SLC35E4: variants seen among roughly 807,000 people sequenced by gnomAD.
SLC35E4 encodes solute carrier family 35 member E4.
Under a neutral mutation model 19.3 loss-of-function variants are expected in SLC35E4, and 15 were observed. That is an observed-to-expected ratio of 0.78 (90% CI 0.52 to 1.20). The LOEUF (loss-of-function observed/expected upper bound fraction) is 1.20, where lower values mean the gene tolerates loss of function less well. Ranked by LOEUF, SLC35E4 falls within the 50% of genes most tolerant of loss-of-function variation. SLC35E4 has a pLI of 0.00. For synonymous variants in SLC35E4, 219 were observed against 219.9 expected (o/e 1.00, Z 0.04); for missense variants, 406 against 472.3 (o/e 0.86, Z 1.30).
chr22:30,637,077 C>T lies in SLC35E4; in HGVS notation c.619+8C>T. On this transcript the variant is annotated splice_region_variant and intron_variant, in intron 1 of 1. Transcript: ENST00000343605. ...TCAAGTCGGTTCAGCAAAGTAAGTG[C>T]CTGGGTGGCCAATTGAGAAGGTGGG... is the stretch of plus-strand genomic sequence containing the variant. 6.5e-7 allele frequency: 1 copy of T among 1,549,202 alleles called. No individual in the cohort carries two copies. Among genetic ancestry groups the T allele is most frequent in the Non-Finnish European group, 8.7e-7 (1 of 1,143,736 alleles).
At chr22:30,656,705 C>A (rs774312859) in intron 2 of SLC35E4, among the ~76,000 whole-genome samples, 2 of 152,210 alleles carry the variant, frequency 1.3e-5, no homozygotes, top group Non-Finnish European at 2.9e-5. Flanking sequence ...ACAGTGTGAA[C>A]TGTTTGGGAA....
chr22:30,639,895 A>G (rs2145576770), intron 1 of SLC35E4, among the ~76,000 whole-genome samples: 1 of 152,328 alleles, frequency 6.6e-6, no homozygotes. Context: ...TCAGCTTACG[A>G]AGATGATGGG....
At chr22:30,667,460 A>G (rs1602116257), downstream of SLC35E4, 1 of 151,994 alleles carries the variant, frequency 6.6e-6, no homozygotes, top group Non-Finnish European at 1.5e-5. Context: ...CCAGGGTTTT[A>G]CCTCTCTCCT....
chr22:30,664,634 C>T (rs1034729494), downstream of SLC35E4, among the ~76,000 whole-genome samples: 9 of 152,246 alleles, frequency 5.9e-5, no homozygotes, highest in African/African-American at 1.7e-4. Flanking sequence ...ACTGAGGAGG[C>T]TGGTATAAGA....
chr22:30,644,476 C>T (rs1402535429), intron 1 of SLC35E4, among the ~76,000 whole-genome samples: 1 of 152,186 alleles, frequency 6.6e-6, no homozygotes, highest in Non-Finnish European at 1.5e-5. Flanking sequence ...CGCAATGGCT[C>T]ACACCTGTAA....
intron 1 of SLC35E4, among the ~76,000 whole-genome samples, chr22:30,637,765 C>T (rs1466282228): frequency 1.3e-5 from 2 of 152,178 alleles, no homozygotes; most frequent in Non-Finnish European, 2.9e-5. Context: ...CCCTGGGCCA[C>T]GTGGCCAGTG....
In SLC35E4 at chr22:30,636,790, A is replaced by G; in HGVS notation, c.340A>G (p.Ser114Gly). Residue 114 changes from serine to glycine, a missense_variant, in exon 1 of 2, where the codon AGT becomes GGT. Coordinates refer to ENST00000343605, the MANE Select transcript of SLC35E4 (RefSeq NM_001001479.4). The part of the protein sequence containing the change: ...GGTRCRVLLL[S>G]LTFGTSMACG... ...CACTCGCTGCCGAGTCCTACTGCTCAGTCTCACCTTTGGCACGTCCATGGC... is the reference window on the plus strand; with the variant it reads ...CACTCGCTGCCGAGTCCTACTGCTCGGTCTCACCTTTGGCACGTCCATGGC... 1.2e-6 allele frequency: 2 copies of G among 1,612,662 alleles called. No individual in the cohort carries two copies. Among genetic ancestry groups the G allele is most frequent in the Non-Finnish European group, 1.7e-6 (2 of 1,179,610 alleles).
rs535580870 is a variant in SLC35E4, at chr22:30,645,317, G to A, written c.620-1281G>A. Among the ~76,000 whole-genome samples the A allele has an allele frequency of 2.6e-3, 390 of 152,244 alleles. 2 individuals carry two copies. The highest frequency in any genetic ancestry group is 9.1e-3 in the African/African-American group (376 of 41,546). On this transcript the variant is annotated intron_variant, in intron 1 of 1. Transcript: ENST00000343605. ...AAGCTGGGTGAAGAACCCTGGGCTG[G>A]GTGCACTGGCTCAACGCCTGTAATC...
intron 2 of SLC35E4, chr22:30,654,461 C>T: frequency 4.6e-6 from 2 of 436,600 alleles, no homozygotes; most frequent in South Asian, 1.7e-5. Context: ...GGAACCACCA[C>T]CTGCTTTTTC....
intron 1 of SLC35E4, among the ~76,000 whole-genome samples, chr22:30,637,559 AT>A (rs1028886525): frequency 2.6e-4 from 38 of 144,542 alleles, no homozygotes; most frequent in South Asian, 6.4e-4. Context: ...TGGTCAGCTA[AT>A]TTTTTTTTTT....
At chr22:30,658,028 G>A (rs1208691945) in intron 2 of SLC35E4, among the ~76,000 whole-genome samples, 1 of 151,694 alleles carries the variant, frequency 6.6e-6, no homozygotes, top group Non-Finnish European at 1.5e-5. Flanking sequence ...GATCATTGGA[G>A]GCTGGGAGTT....
At chr22:30,638,177 C>A (rs531270911) in intron 1 of SLC35E4, among the ~76,000 whole-genome samples, 41 of 150,974 alleles carry the variant, frequency 2.7e-4, no homozygotes, top group African/African-American at 1.0e-3. Flanking sequence ...CCACCCTGGC[C>A]AACATGGTGA....
At chr22:30,651,397 G>GTATA (rs1411379695), downstream of SLC35E4, among the ~76,000 whole-genome samples, 15 of 52,612 alleles carry the variant, frequency 2.9e-4, no homozygotes, top group African/African-American at 1.9e-3. Context: ...GTGTGTGTGT[G>GTATA]TGTATATATA....
chr22:30,639,498 C>T (rs1371036596), intron 1 of SLC35E4, among the ~76,000 whole-genome samples: 1 of 152,112 alleles, frequency 6.6e-6, no homozygotes, highest in East Asian at 1.9e-4. Flanking sequence ...CGGGAATTTC[C>T]TCGTCCTAAT....
chr22:30,650,640 A>T (rs1361143090), downstream of SLC35E4, among the ~76,000 whole-genome samples: 1 of 152,146 alleles, frequency 6.6e-6, no homozygotes, highest in African/African-American at 2.4e-5. Flanking sequence ...GCAGCAGTGG[A>T]ACCTAATCCC....
At chr22:30,664,086 G>C (rs2088569705), downstream of SLC35E4, 1 of 1,340,768 alleles carries the variant, frequency 7.5e-7, no homozygotes, top group African/African-American at 1.5e-5. Flanking sequence ...GAAAACTGCA[G>C]AGAGGGAGAG....
chr22:30,645,651 T>C (rs1006557853), intron 1 of SLC35E4, among the ~76,000 whole-genome samples: 1 of 145,150 alleles, frequency 6.9e-6, no homozygotes, highest in East Asian at 2.1e-4. Flanking sequence ...GGGCAGCCCC[T>C]GAAGATTTAT....
At chr22:30,653,374 C>CTT (rs892435016) in intron 2 of SLC35E4, among the ~76,000 whole-genome samples, 3 of 142,570 alleles carry the variant, frequency 2.1e-5, no homozygotes, top group Non-Finnish European at 3.1e-5. Flanking sequence ...CTTCCTCCTT[C>CTT]TTTTTTTTTT....
downstream of SLC35E4, chr22:30,663,803 C>G: frequency 2.5e-6 from 4 of 1,614,230 alleles, no homozygotes; most frequent in Non-Finnish European, 3.4e-6. Flanking sequence ...CAGGTACCTG[C>G]ATGTACTGGA....
Sources: allele counts gnomAD v4.1 joint callset (sites outside exome capture counted in the v4.1 genomes callset), GRCh38; gene constraint gnomAD v4.1.1; transcripts MANE v1.5; gene names NCBI Gene and HGNC (gene_info 2026-07-23, HGNC 2026-07-21).